The following GIPC2 variants were observed in gnomAD, a reference collection of about 807,000 sequenced individuals.
The protein encoded by GIPC2 is PDZ domain-containing protein GIPC2.
A neutral mutation model predicts 30.6 loss-of-function variants in GIPC2; 30 were observed. The ratio of observed to expected loss-of-function variants is 0.98; its 90% CI spans 0.73 to 1.33. The LOEUF (loss-of-function observed/expected upper bound fraction) is 1.33. GIPC2 is among the 40% of genes most tolerant of loss of function. The probability of loss-of-function intolerance (pLI) is 0.00; values close to 1 mark genes in which losing one functional copy is unlikely to be tolerated. For synonymous variants in GIPC2, 167 were observed against 150.0 expected (o/e 1.11, Z -0.83); for missense variants, 414 against 390.3 (o/e 1.06, Z -0.51).
intron 2 of GIPC2, among the ~76,000 whole-genome samples, chr1:78,089,638 A>T (rs1359055339): frequency 1.3e-5 from 2 of 152,192 alleles, no homozygotes; most frequent in Non-Finnish European, 2.9e-5. Context: ...GAGCCACCAT[A>T]CGTGGCCCAG....
chr1:78,137,734 T>C lies in GIPC2; in HGVS notation c.*1991T>C, dbSNP rs887624724. ...GGTTTTTCCTTGAAATATCCTTATC[T>C]TTCACCTCTACAGCTAAACTGATAA... On this transcript the variant is annotated 3_prime_UTR_variant, in exon 6 of 6. Transcript: ENST00000370759. 1 of 140,854 alleles carries C rather than the reference T, an allele frequency of 7.1e-6. No individual in the cohort carries two copies. The highest frequency in any genetic ancestry group is 2.5e-5 in the African/African-American group (1 of 39,238). The allele number at this position is 140,854 out of a possible 1,614,324, so 8.7% of individuals were successfully genotyped here. A position where few individuals can be genotyped will look rare whatever the true frequency, so the allele number is the denominator to read the frequency against.
chr1:78,117,659 C>T (rs1342458530), intron 3 of GIPC2, among the ~76,000 whole-genome samples: 1 of 152,146 alleles, frequency 6.6e-6, no homozygotes, highest in African/African-American at 2.4e-5. Context: ...GTCTGCGGCC[C>T]TGGAGGTTGG....
At chr1:78,080,107 A>G (rs1169870276) in intron 1 of GIPC2, among the ~76,000 whole-genome samples, 1 of 152,174 alleles carries the variant, frequency 6.6e-6, no homozygotes, top group East Asian at 1.9e-4. Context: ...TTCAGGCACT[A>G]TAATGCAAGA....
chr1:78,065,379 G>A (rs1161744469), intron 1 of GIPC2, among the ~76,000 whole-genome samples: 1 of 151,804 alleles, frequency 6.6e-6, no homozygotes, highest in Non-Finnish European at 1.5e-5. Flanking sequence ...TCTCTACAAG[G>A]AGAACTATGG....
intron 1 of GIPC2, among the ~76,000 whole-genome samples, chr1:78,077,913 GC>G (rs1176655137): frequency 6.6e-6 from 1 of 152,144 alleles, no homozygotes. Context: ...TCACGGCCGG[GC>G]GCGGTGGCTC....
Position 78,064,705 on chromosome 1 carries a change from G to GGTTGGA in GIPC2, c.241-15967_241-15962dup, listed in dbSNP as rs1454346162. Among the ~76,000 whole-genome samples the GGTTGGA allele has an allele frequency of 9.3e-5, 14 of 150,930 alleles. 1 individual carries two copies. In the South Asian group the frequency reaches 2.5e-3, roughly 27 times the overall value. ...AGAGAGGGTCTTGTTCTGTCACCCA[G>GGTTGGA]GTTGGAGTGCAGTGGTACAATCATA... is the stretch of plus-strand genomic sequence containing the variant. On this transcript the variant is annotated intron_variant, in intron 1 of 5. Transcript: ENST00000370759.
At position 78,135,686 on chromosome 1, in the gene GIPC2, C is replaced by T. The variant is rs755993087; in HGVS notation, c.891C>T (p.Asp297=). ...DETLGDFAFP[D]EFVFDVWGVI... Reference sequence around the variant, plus strand: ...CTCTTGGAGACTTTGCGTTCCCAGACGAATTTGTCTTTGATGTTTGGGGAG... The same window carrying T: ...CTCTTGGAGACTTTGCGTTCCCAGATGAATTTGTCTTTGATGTTTGGGGAG... Residue 297 remains aspartate, a synonymous_variant, in exon 6 of 6, where the codon GAC becomes GAT. Transcript: ENST00000370759. 1.1e-5 allele frequency: 17 copies of T among 1,613,240 alleles called. No individual in the cohort carries two copies. Among genetic ancestry groups the T allele is most frequent in the South Asian group, 9.9e-5 (9 of 90,994 alleles).
chr1:78,135,610 C>A lies in GIPC2; in HGVS notation c.815C>A (p.Ala272Asp), dbSNP rs775256859. Residue 272 changes from alanine (A) to aspartate (D), a missense_variant, in exon 6 of 6, where the codon GCT becomes GAT. Ala to Asp is a moderately radical substitution (Grantham distance 126). Coordinates refer to ENST00000370759, the MANE Select transcript of GIPC2 (RefSeq NM_017655.6). ...DIDLATTMFE[A>D]GKDKVNPDEF... ...TTGATAGCCACCACAATGTTTGAAG[C>A]TGGAAAGGACAAAGTAAATCCAGAT... 26 of 1,584,374 alleles carry A rather than the reference C, an allele frequency of 1.6e-5. No individual in the cohort carries two copies. The South Asian group carries it at 2.9e-4, about 17-fold the overall frequency.
At chr1:78,089,726 CA>C (rs1443576402) in intron 2 of GIPC2, among the ~76,000 whole-genome samples, 2 of 152,206 alleles carry the variant, frequency 1.3e-5, no homozygotes, top group African/African-American at 4.8e-5. Flanking sequence ...TTTCTAAGAA[CA>C]AAAAGTATAT....
chr1:78,047,552 A>G (rs1428721986), intron 1 of GIPC2, among the ~76,000 whole-genome samples: 1 of 152,050 alleles, frequency 6.6e-6, no homozygotes, highest in East Asian at 1.9e-4. Flanking sequence ...ACACTTTCAC[A>G]GGACACTTTC....
Position 78,119,413 on chromosome 1 carries a change from G to T in GIPC2, c.628G>T (p.Ala210Ser). 1 of 1,608,120 alleles carries T rather than the reference G, an allele frequency of 6.2e-7. No individual in the cohort carries two copies. The highest frequency in any genetic ancestry group is 8.5e-7 in the Non-Finnish European group (1 of 1,174,722). The change falls in exon 4 of 6, where the codon GCT (alanine) becomes TCT (serine). Residue 210 changes from alanine (A) to serine (S), a missense_variant. Physicochemically the swap from Ala to Ser is moderately conservative, Grantham distance 99. Coordinates refer to ENST00000370759, the MANE Select transcript of GIPC2 (RefSeq NM_017655.6). ...KAFEIELRSKAGKSSGEKIGC... is the reference protein window; with the variant it reads ...KAFEIELRSKSGKSSGEKIGC... Reference sequence around the variant, plus strand: ...TGTAGAAATAGAGCTGAGGTCAAAGGCTGGAAAGTCATCAGGAGAAAAAAT... The same window carrying T: ...TGTAGAAATAGAGCTGAGGTCAAAGTCTGGAAAGTCATCAGGAGAAAAAAT...
At position 78,088,200 on chromosome 1, in the gene GIPC2, G is replaced by A. The variant is rs1218133685; in HGVS notation, c.427-6752G>A. Among the ~76,000 whole-genome samples the A allele has an allele frequency of 2.6e-5, 4 of 152,108 alleles. No individual in the cohort carries two copies. In the East Asian group the frequency reaches 7.7e-4, roughly 29 times the overall value. On this transcript the variant is annotated intron_variant, in intron 2 of 5. Coordinates refer to ENST00000370759, the MANE Select transcript of GIPC2 (RefSeq NM_017655.6). ...ATTGTGGAAAACCGTATGGCAATTC[G>A]TCAGCTAAAAGCAGAACTACCATTT...
chr1:78,090,393 C>T (rs1361148339), intron 2 of GIPC2, among the ~76,000 whole-genome samples: 3 of 152,042 alleles, frequency 2.0e-5, no homozygotes, highest in African/African-American at 7.3e-5. Context: ...CAGGGTTTCA[C>T]CATGTTGGCC....
intron 1 of GIPC2, among the ~76,000 whole-genome samples, chr1:78,076,176 C>T (rs1661713607): frequency 6.6e-6 from 1 of 152,166 alleles, no homozygotes; most frequent in African/African-American, 2.4e-5. Flanking sequence ...GTGGTCACTC[C>T]CACCCAAGCT....
At position 78,092,162 on chromosome 1, in the gene GIPC2, C is replaced by T; in HGVS notation, c.427-2790C>T. The T allele has an allele frequency of 7.2e-6, 5 of 696,864 alleles. No individual in the cohort carries two copies. The South Asian group carries it at 9.9e-5, about 14-fold the overall frequency. 43.2% of individuals were successfully genotyped at this position (696,864 alleles called of 1,614,324 possible). A position where few individuals can be genotyped will look rare whatever the true frequency, so the allele number is the denominator to read the frequency against. On this transcript the variant is annotated intron_variant, in intron 2 of 5. Coordinates refer to ENST00000370759, the MANE Select transcript of GIPC2 (RefSeq NM_017655.6). ...GAGACACACAAGATGTTTTTATAGT[C>T]TAGAGCCTTTAAAAAACCCAAGGGA...
At chr1:78,132,406 C>T (rs1662915859) in intron 5 of GIPC2, among the ~76,000 whole-genome samples, 1 of 152,122 alleles carries the variant, frequency 6.6e-6, no homozygotes, top group Admixed American at 6.5e-5. Context: ...TTTTTCTTCA[C>T]TTTTCTGCTG....
At chr1:78,127,156 C>T (rs948896330) in intron 5 of GIPC2, among the ~76,000 whole-genome samples, 2 of 152,202 alleles carry the variant, frequency 1.3e-5, no homozygotes, top group Non-Finnish European at 2.9e-5. Flanking sequence ...TTTTGTTTAT[C>T]TGCTACCAGG....
intron 2 of GIPC2, chr1:78,091,603 T>C (rs1403319847): frequency 7.8e-6 from 6 of 765,160 alleles, no homozygotes; most frequent in Non-Finnish European, 1.5e-5. Context: ...TCTTCGGGAA[T>C]GCGTTCGTCG....
intron 3 of GIPC2, among the ~76,000 whole-genome samples, chr1:78,113,349 C>T (rs578251856): frequency 3.3e-5 from 5 of 152,290 alleles, no homozygotes; most frequent in African/African-American, 9.6e-5. Flanking sequence ...GCTTGGACTA[C>T]AGGCATGTCC....
Sources: gnomAD v4.1 joint callset for allele counts (sites outside exome capture counted in the v4.1 genomes callset) on GRCh38, gnomAD v4.1.1 for gene constraint, MANE v1.5 for transcripts, NCBI Gene and HGNC (gene_info 2026-07-23, HGNC 2026-07-21) for gene names.